TMEM52B: variants seen among roughly 807,000 people sequenced by gnomAD.
The protein encoded by TMEM52B is chromosome 12 open reading frame 59.
In TMEM52B, 11 loss-of-function variants were observed where a neutral mutation model predicts 16.1. That is an observed-to-expected ratio of 0.68 (90% CI 0.43 to 1.13). The LOEUF (loss-of-function observed/expected upper bound fraction) is 1.13, where lower values mean the gene tolerates loss of function less well. Among genes scored for constraint, TMEM52B ranks in the 50% most tolerant of loss-of-function variants. The pLI is 0.00. For missense variants in TMEM52B, 243 were observed against 230.4 expected (o/e 1.05, Z -0.35); for synonymous variants, 101 against 93.8 (o/e 1.08, Z -0.45).
chr12:10,172,040 T>C (rs1948725864), intron 1 of TMEM52B: 1 of 1,613,940 alleles, frequency 6.2e-7, no homozygotes, highest in African/African-American at 1.3e-5. Context: ...ATCAGGCTGG[T>C]CCTTCACAGT....
rs1948937308 is a variant in TMEM52B, at chr12:10,189,940, G to A, written c.352G>A (p.Val118Met). Residue 118 changes from valine (V) to methionine (M), a missense_variant, in exon 5 of 5, where the codon GTG (valine) becomes ATG (methionine). Val to Met is a conservative substitution (Grantham distance 21). Transcript: ENST00000543484. ...FGPAARRILA[V>M]AHSHSSLGQL... is the part of the protein sequence containing the mutation. The stretch of plus-strand genomic sequence containing the variant: ...CCCTGCAGCTCGGAGGATCCTGGCT[G>A]TGGCTCACTCCCACAGCTCCCTGGG... 1 of 1,614,016 alleles carries A rather than the reference G, an allele frequency of 6.2e-7. No homozygotes were observed. The highest frequency in any genetic ancestry group is 1.1e-5 in the South Asian group (1 of 91,086).
Position 10,182,690 on chromosome 12 carries a change from TTTTA to T in TMEM52B, c.98+105_98+108del, listed in dbSNP as rs568359052. 9.2e-5 allele frequency: 111 copies of T among 1,200,268 alleles called. 6 individuals carry two copies. The South Asian group carries it at 2.0e-3, about 22-fold the overall frequency. The allele number at this position is 1,200,268 out of a possible 1,614,324, so 74.4% of individuals were successfully genotyped here. Reference sequence around the variant, plus strand: ...ATGTCATTAGACATCTATGACTTCTTTTTATTTATTTTTACTTAAGTAATAGATC... The same window carrying T: ...ATGTCATTAGACATCTATGACTTCTTTTTATTTTTACTTAAGTAATAGATC... On this transcript the variant is annotated intron_variant, in intron 2 of 4. Coordinates refer to ENST00000543484, the MANE Select transcript of TMEM52B (RefSeq NM_001384896.1).
chr12:10,176,581 GA>G (rs934385007), upstream of TMEM52B, among the ~76,000 whole-genome samples: 2 of 152,156 alleles, frequency 1.3e-5, no homozygotes, highest in African/African-American at 4.8e-5. Flanking sequence ...ATGTGGTCTG[GA>G]GAGGGAATGG....
upstream of TMEM52B, among the ~76,000 whole-genome samples, chr12:10,176,689 T>TA (rs574741107): frequency 4.3e-4 from 66 of 152,266 alleles, 4 homozygotes; most frequent in Middle Eastern, 0.01. Context: ...AAAATAATCT[T>TA]AGCAAACACA....
intron 1 of TMEM52B, among the ~76,000 whole-genome samples, chr12:10,180,910 A>G (rs1255958435): frequency 2.6e-5 from 4 of 152,164 alleles, no homozygotes; most frequent in African/African-American, 9.7e-5. Flanking sequence ...GGTTCAAGCG[A>G]TTCTCTTGCC....
At chr12:10,189,340 T>G (rs1029967049) in intron 4 of TMEM52B, among the ~76,000 whole-genome samples, 1 of 152,038 alleles carries the variant, frequency 6.6e-6, no homozygotes, top group Non-Finnish European at 1.5e-5. Context: ...AGAAACATTC[T>G]TGGCTGGGTG....
rs1201438132 is a variant in TMEM52B, at chr12:10,179,388, A to T, written c.-187A>T. The T allele has an allele frequency of 1.6e-6, 1 of 616,964 alleles. No individual in the cohort carries two copies. Among genetic ancestry groups the T allele is most frequent in the Non-Finnish European group, 2.9e-6 (1 of 347,126 alleles). The allele number at this position is 616,964 out of a possible 1,614,324, so 38.2% of individuals were successfully genotyped here. A position where few individuals can be genotyped will look rare whatever the true frequency, so the allele number is the denominator to read the frequency against. ...AAACAGGAAAGAAGAGGGAAAAGCC[A>T]TAGAAAATAACAGCCAGAGCGAGTA... On this transcript the variant is annotated 5_prime_UTR_variant, in exon 1 of 5. Coordinates refer to ENST00000543484, the MANE Select transcript of TMEM52B (RefSeq NM_001384896.1).
upstream of TMEM52B, among the ~76,000 whole-genome samples, chr12:10,178,621 C>G (rs1184443578): frequency 6.7e-6 from 1 of 148,152 alleles, no homozygotes; most frequent in South Asian, 2.1e-4. Context: ...ACTTATTTCT[C>G]AATCACATCA....
At chr12:10,171,942 T>A in intron 1 of TMEM52B, 1 of 1,286,072 alleles carries the variant, frequency 7.8e-7, no homozygotes, top group African/African-American at 1.5e-5. Context: ...TTCGGTGAAT[T>A]TACATTTTGG....
chr12:10,188,256 T>C (rs972973845), intron 4 of TMEM52B, among the ~76,000 whole-genome samples: 1 of 151,850 alleles, frequency 6.6e-6, no homozygotes, highest in Non-Finnish European at 1.5e-5. Context: ...GCTCAGGAGT[T>C]TGAGACCACC....
intron 3 of TMEM52B, among the ~76,000 whole-genome samples, chr12:10,185,768 C>T (rs1316858252): frequency 3.9e-5 from 6 of 152,052 alleles, no homozygotes; most frequent in African/African-American, 2.4e-5. Flanking sequence ...AAAAGTTGGG[C>T]GCGGTGGCTC....
At chr12:10,184,796 A>T (rs1223627594) in intron 2 of TMEM52B, among the ~76,000 whole-genome samples, 2 of 151,958 alleles carry the variant, frequency 1.3e-5, no homozygotes, top group African/African-American at 4.8e-5. Flanking sequence ...TCCATTTTCA[A>T]AGTTACTCTT....
chr12:10,171,483 C>A (rs1404665316), intron 1 of TMEM52B, among the ~76,000 whole-genome samples: 2 of 152,118 alleles, frequency 1.3e-5, no homozygotes, highest in African/African-American at 4.8e-5. Flanking sequence ...ATTTACTTTG[C>A]CTGCATAATT....
At chr12:10,182,334 G>T (rs1591989876) in intron 1 of TMEM52B, 2 of 985,174 alleles carry the variant, frequency 2.0e-6, no homozygotes, top group African/African-American at 3.5e-5. Context: ...CAACACAACA[G>T]ATGAGATATT....
chr12:10,187,869 C>A (rs1258675411), intron 4 of TMEM52B, among the ~76,000 whole-genome samples: 3 of 152,038 alleles, frequency 2.0e-5, no homozygotes, highest in Non-Finnish European at 4.4e-5. Flanking sequence ...GAGGCTGAGG[C>A]AGGTGGCTTA....
At chr12:10,180,250 C>T (rs942709107) in intron 1 of TMEM52B, among the ~76,000 whole-genome samples, 4 of 150,338 alleles carry the variant, frequency 2.7e-5, no homozygotes, top group Non-Finnish European at 1.5e-5. Flanking sequence ...CGTATGGCCC[C>T]CGTACAGAGT....
chr12:10,189,793 C>A, intron 4 of TMEM52B, 103 bp from the exon 5 acceptor site: 3 of 1,488,776 alleles, frequency 2.0e-6, no homozygotes, highest in South Asian at 1.3e-5. Flanking sequence ...AGTTTGGATA[C>A]TTGTAAAAAA....
chr12:10,174,389 G>A (rs57056622), upstream of TMEM52B, among the ~76,000 whole-genome samples: 8,449 of 152,164 alleles, frequency 0.056, 300 homozygotes, highest in African/African-American at 0.1. Flanking sequence ...TGGGTCATGG[G>A]GTTCCCAGAC....
At chr12:10,170,799 G>C (rs1948708874) in exon 1 of TMEM52B, 1 of 152,086 alleles carries the variant, frequency 6.6e-6, no homozygotes, top group Non-Finnish European at 1.5e-5. Flanking sequence ...CTTAAATAAT[G>C]AAAAACTAAA....
Sources: gnomAD v4.1 joint callset for allele counts (sites outside exome capture counted in the v4.1 genomes callset) on GRCh38, gnomAD v4.1.1 for gene constraint, MANE v1.5 for transcripts, NCBI Gene and HGNC (gene_info 2026-07-23, HGNC 2026-07-21) for gene names.